Variants in BABAM2 observed in about 807,000 individuals in gnomAD.
BABAM2 encodes the protein BRISC and BRCA1 A complex member 2.
In BABAM2, 31 loss-of-function variants were observed where a neutral mutation model predicts 54.7. That is an observed-to-expected ratio of 0.57 (90% CI 0.43 to 0.77). The LOEUF is 0.77. Ranked by LOEUF, BABAM2 falls within the 30% of genes least tolerant of loss-of-function variation. The pLI, the probability that BABAM2 is intolerant of heterozygous loss-of-function variation, is 0.00. For synonymous variants in BABAM2, 167 were observed against 162.9 expected, an observed-to-expected ratio of 1.03 and a Z score of -0.19; for missense variants, 364 against 455.8, an observed-to-expected ratio of 0.80 and a Z score of 1.83.
chr2:28,091,449 G>A (rs1254573597), intron 6 of BABAM2, among the ~76,000 whole-genome samples: 1 of 152,132 alleles, frequency 6.6e-6, no homozygotes, highest in African/African-American at 2.4e-5. Flanking sequence ...TGATATCAAA[G>A]GGCTGGATGA....
At position 28,325,577 on chromosome 2, in the gene BABAM2, T is replaced by C. The variant is rs1013928421; in HGVS notation, c.1089-12873T>C. Among the ~76,000 whole-genome samples the C allele has an allele frequency of 2.6e-5, 4 of 152,302 alleles. No individual in the cohort carries two copies. Among genetic ancestry groups the C allele is most frequent in the African/African-American group, 7.2e-5 (3 of 41,578 alleles). ...AGTGGAGCTTGGACACCCTCTCCCA[T>C]TGAGTAGTTTCTTCTTTGGGAATTG... On this transcript the variant is annotated intron_variant, in intron 11 of 11. Transcript: ENST00000379624. This position sits in a 1 kb window ranked among gnomAD's most constrained non-coding sequence, Gnocchi z 4.3.
chr2:28,077,696 C>A (rs144258910), intron 6 of BABAM2, among the ~76,000 whole-genome samples: 8 of 152,138 alleles, frequency 5.3e-5, no homozygotes, highest in Admixed American at 2.0e-4. Context: ...TATTTCCTAA[C>A]CTCCCTCTCA....
intron 7 of BABAM2, chr2:28,134,613 T>G (rs1485725500): frequency 6.6e-6 from 1 of 152,284 alleles, no homozygotes; most frequent in Non-Finnish European, 1.5e-5. Context: ...GTACAGAATT[T>G]GTTTTTAGAA....
intron 5 of BABAM2, among the ~76,000 whole-genome samples, chr2:28,031,465 A>G (rs950184706): frequency 6.6e-6 from 1 of 152,174 alleles, no homozygotes; most frequent in African/African-American, 2.4e-5. Context: ...GTGTGCTGGA[A>G]TGCTGCACCA....
At chr2:28,231,785 CTTTTTTTTTTTT>C (rs549515372) in intron 7 of BABAM2, among the ~76,000 whole-genome samples, 2 of 57,654 alleles carry the variant, frequency 3.5e-5, no homozygotes, top group African/African-American at 1.3e-4. Context: ...AGAGAGATGT[CTTTTTTTTTTTT>C]TTTTTTTTTT....
At chr2:27,980,979 G>A (rs972115035) in intron 3 of BABAM2, among the ~76,000 whole-genome samples, 2 of 151,958 alleles carry the variant, frequency 1.3e-5, no homozygotes, top group African/African-American at 2.4e-5. Flanking sequence ...TATACATTAT[G>A]TGCTTGTATG....
At chr2:27,986,257 G>A (rs927011142) in intron 3 of BABAM2, among the ~76,000 whole-genome samples, 2 of 152,144 alleles carry the variant, frequency 1.3e-5, no homozygotes, top group Non-Finnish European at 2.9e-5. Context: ...GTGATAATAT[G>A]TATTATGGAC....
chr2:28,095,024 G>A (rs1666487227), intron 6 of BABAM2, among the ~76,000 whole-genome samples: 1 of 151,562 alleles, frequency 6.6e-6, no homozygotes, highest in African/African-American at 2.4e-5. Context: ...ATCATAAACA[G>A]TGCTGCAAGT....
chr2:28,009,326 A>G (rs958315976), intron 4 of BABAM2, among the ~76,000 whole-genome samples: 1 of 152,172 alleles, frequency 6.6e-6, no homozygotes, highest in African/African-American at 2.4e-5. Flanking sequence ...TAGTAGGTAG[A>G]AAAGGTTCAT....
At chr2:28,183,554 G>C (rs1420564885) in intron 7 of BABAM2, among the ~76,000 whole-genome samples, 2 of 152,138 alleles carry the variant, frequency 1.3e-5, no homozygotes, top group African/African-American at 4.8e-5. Flanking sequence ...GATGGTGCCT[G>C]GGCTTACTTT....
At chr2:28,270,931 T>C (rs143318165) in intron 10 of BABAM2, among the ~76,000 whole-genome samples, 59 of 152,356 alleles carry the variant, frequency 3.9e-4, no homozygotes, top group African/African-American at 1.4e-3. Flanking sequence ...TAGTGTTTCT[T>C]GATCCTTATA....
chr2:28,199,094 T>A (rs1677967673), intron 7 of BABAM2, among the ~76,000 whole-genome samples: 1 of 152,232 alleles, frequency 6.6e-6, no homozygotes, highest in African/African-American at 2.4e-5. Flanking sequence ...GTGCCTTGTT[T>A]TTGCACTTCT....
chr2:28,234,631 C>A lies in BABAM2; in HGVS notation c.681-2571C>A, dbSNP rs190708958. ...AATTTTATTATGCCAAGGATTGTTT[C>A]TCTAAGTGAGCGATGAGTAGCTTGG... On this transcript the variant is annotated intron_variant, in intron 7 of 11. Coordinates refer to ENST00000379624, the MANE Select transcript of BABAM2 (RefSeq NM_199191.3). Among the ~76,000 whole-genome samples the A allele has an allele frequency of 2.7e-3, 407 of 152,306 alleles. 1 individual carries two copies. Among genetic ancestry groups the A allele is most frequent in the African/African-American group, 9.3e-3 (386 of 41,564 alleles).
chr2:28,310,150 A>G (rs961143333), intron 11 of BABAM2: 1 of 1,614,000 alleles, frequency 6.2e-7, no homozygotes, highest in South Asian at 1.1e-5. Flanking sequence ...TCCAAATTGC[A>G]TAGGTCAGTG....
chr2:27,906,553 A>G (rs1190913331), intron 2 of BABAM2, among the ~76,000 whole-genome samples: 1 of 152,220 alleles, frequency 6.6e-6, no homozygotes, highest in Admixed American at 6.5e-5. Context: ...GAAGTCTGAA[A>G]TCACTTTGGG....
intron 7 of BABAM2, among the ~76,000 whole-genome samples, chr2:28,185,867 G>A (rs1299508211): frequency 1.3e-5 from 2 of 151,972 alleles, no homozygotes; most frequent in Admixed American, 6.6e-5. Context: ...CCCAGGAATC[G>A]TGCTCTTTTA....
chr2:28,148,636 C>T (rs904542133), intron 7 of BABAM2, among the ~76,000 whole-genome samples: 2 of 152,164 alleles, frequency 1.3e-5, no homozygotes, highest in Admixed American at 1.3e-4. Context: ...GCAGATTGGA[C>T]CTGCTCAGTT....
At chr2:28,114,919 C>A (rs1460645562) in intron 6 of BABAM2, among the ~76,000 whole-genome samples, 12 of 152,096 alleles carry the variant, frequency 7.9e-5, no homozygotes. Flanking sequence ...CTAAGGAAGT[C>A]TGCTTTTGAA....
At chr2:28,328,166 C>T (rs778510430) in intron 11 of BABAM2, among the ~76,000 whole-genome samples, 1 of 152,078 alleles carries the variant, frequency 6.6e-6, no homozygotes, top group Non-Finnish European at 1.5e-5. Flanking sequence ...CCCTTTGACA[C>T]GAGGCGAGTA....
Sources: gnomAD v4.1 joint callset for allele counts (sites outside exome capture counted in the v4.1 genomes callset) on GRCh38, gnomAD v4.1.1 for gene constraint, Gnocchi (gnomAD v3.1) non-coding constraint, MANE v1.5 for transcripts, NCBI Gene and HGNC (gene_info 2026-07-23, HGNC 2026-07-21) for gene names.